The following SIRPA variants were observed in gnomAD, a reference collection of about 807,000 sequenced individuals.
SIRPA encodes the protein tyrosine-protein phosphatase non-receptor type substrate 1.
SIRPA carries 9 observed loss-of-function variants against 50.3 expected under a neutral mutation model. The observed-to-expected ratio is 0.18, with a 90% CI of 0.11 to 0.31. The LOEUF is 0.31. Ranked by LOEUF, SIRPA falls within the 10% of genes least tolerant of loss-of-function variation. The pLI, the probability that SIRPA is intolerant of heterozygous loss-of-function variation, is 1.00. For synonymous variants in SIRPA, 265 were observed against 284.1 expected (o/e 0.93, Z 0.68); for missense variants, 474 against 661.6 (o/e 0.72, Z 3.11).
rs1371990194 is a variant in SIRPA at position 1,927,999 on chromosome 20, A to G, written c.1226+100A>G. The G allele has an allele frequency of 2.1e-5, 20 of 975,606 alleles. No homozygotes were observed. The highest frequency in any genetic ancestry group is 2.6e-5 in the South Asian group (2 of 77,760). 60.4% of individuals were successfully genotyped at this position (975,606 alleles called of 1,614,324 possible). On this transcript the variant is annotated intron_variant, in intron 6 of 7. Transcript: ENST00000358771. This position sits in a 1 kb window ranked among gnomAD's most constrained non-coding sequence, Gnocchi z 6.5. ...TAATCCATGTCCACTGACCTCACCA[A>G]TGTGTTGGTCAACATGTCTCTTTCT... is the stretch of plus-strand genomic sequence containing the variant.
At position 1,936,563 on chromosome 20, in the gene SIRPA, G is replaced by A. The variant is rs3790341; in HGVS notation, c.1267-757G>A. On this transcript the variant is annotated intron_variant, in intron 7 of 7. Transcript: ENST00000358771. This position sits in a 1 kb window ranked among gnomAD's most constrained non-coding sequence, Gnocchi z 4.2. ...TCCCGCTTCACTAACTGGCGATCTC[G>A]TTCTTATACTGCCCCTGTTCTCTGT... Among the ~76,000 whole-genome samples the A allele has an allele frequency of 0.077, 11,744 of 152,164 alleles. 572 individuals carry two copies. The highest frequency in any genetic ancestry group is 0.21 in the South Asian group (999 of 4,818).
At chr20:1,895,358 G>T, upstream of SIRPA, 3 of 755,802 alleles carry the variant, frequency 4.0e-6, no homozygotes, top group Non-Finnish European at 5.7e-6. Flanking sequence ...GGGGAAGGGG[G>T]GGAGCCTTAG....
At chr20:1,908,155 C>T (rs1343608290) in intron 1 of SIRPA, among the ~76,000 whole-genome samples, 1 of 152,138 alleles carries the variant, frequency 6.6e-6, no homozygotes, top group Non-Finnish European at 1.5e-5. Flanking sequence ...CCTCCATCAC[C>T]CTTGTGCTTG....
In SIRPA at chr20:1,937,496, C is replaced by T. The variant is rs755833852; in HGVS notation, c.1443C>T (p.Thr481=). 7 of 1,613,994 alleles carry T rather than the reference C, an allele frequency of 4.3e-6. No individual in the cohort carries two copies. Among genetic ancestry groups the T allele is most frequent in the Non-Finnish European group, 5.9e-6 (7 of 1,180,018 alleles). ...TGGACATGGTCCACCTCAACCGGAC[C>T]CCCAAGCAGCCGGCCCCCAAGCCTG... ...ADLDMVHLNR[T]PKQPAPKPEP... The change falls in exon 8 of 8, where the codon ACC becomes ACT. Residue 481 remains threonine, a synonymous_variant. Transcript: ENST00000358771. This position sits in a 1 kb window ranked among gnomAD's most constrained non-coding sequence, Gnocchi z 8.3.
At position 1,909,198 on chromosome 20, in the gene SIRPA, C is replaced by T. The variant is rs570136730; in HGVS notation, c.80-5901C>T. ...CCATAGCCTCCCAGACCCTGGGGGT[C>T]CTTGAGTACAAACAAAGAATCTACA... is the stretch of plus-strand genomic sequence containing the variant. On this transcript the variant is annotated intron_variant, in intron 1 of 7. Coordinates refer to ENST00000358771, the MANE Select transcript of SIRPA (RefSeq NM_001040023.2). Among the ~76,000 whole-genome samples the T allele has an allele frequency of 3.3e-5, 5 of 152,350 alleles. No individual in the cohort carries two copies. The South Asian group carries it at 1.0e-3, about 32-fold the overall frequency.
chr20:1,914,866 A>C (rs866257785), intron 1 of SIRPA, among the ~76,000 whole-genome samples: 3 of 152,098 alleles, frequency 2.0e-5, no homozygotes, highest in Non-Finnish European at 4.4e-5. Context: ...CAGGCATTCA[A>C]ACCCACTCTC....
At position 1,939,493 on chromosome 20, in the gene SIRPA, A is replaced by G. The variant is rs1428516964; in HGVS notation, c.*1925A>G. 1 of 152,214 alleles carries G rather than the reference A, an allele frequency of 6.6e-6. No homozygotes were observed. Among genetic ancestry groups the G allele is most frequent in the Non-Finnish European group, 1.5e-5 (1 of 68,044 alleles). 9.4% of individuals were successfully genotyped at this position (152,214 alleles called of 1,614,324 possible). On this transcript the variant is annotated 3_prime_UTR_variant, in exon 8 of 8. Transcript: ENST00000358771. The surrounding 1 kb of genome is among the most constrained non-coding windows in gnomAD (Gnocchi z 4.7). ...GGCTCAGGCTAGTTCCAAATTCCAA[A>G]AGATTGGCTTGTAAACCTTCGTCTC...
upstream of SIRPA, chr20:1,894,297 C>T (rs1005036302): frequency 2.0e-5 from 3 of 152,188 alleles, no homozygotes; most frequent in Non-Finnish European, 2.9e-5. This position sits in a 1 kb window ranked among gnomAD's most constrained non-coding sequence, Gnocchi z 4.0. Context: ...TCGCCGCCTC[C>T]AGCCTCTCGC....
Position 1,937,208 on chromosome 20 carries a change from G to T in SIRPA, c.1267-112G>T. 7.7e-7 allele frequency: 1 copy of T among 1,303,786 alleles called. No individual in the cohort carries two copies. The highest frequency in any genetic ancestry group is 1.1e-6 in the Non-Finnish European group (1 of 939,428). The allele number at this position is 1,303,786 out of a possible 1,614,324, so 80.8% of individuals were successfully genotyped here. A position where few individuals can be genotyped will look rare whatever the true frequency, so the allele number is the denominator to read the frequency against. On this transcript the variant is annotated intron_variant, in intron 7 of 7. Coordinates refer to ENST00000358771, the MANE Select transcript of SIRPA (RefSeq NM_001040023.2). The surrounding 1 kb of genome is among the most constrained non-coding windows in gnomAD (Gnocchi z 8.3). ...GAACATGACTTATGGCTGAGCCAGT[G>T]TGGGCCGAGAGGACACAGAAGCATC...
chr20:1,910,437 A>G (rs932537122), intron 1 of SIRPA, among the ~76,000 whole-genome samples: 3 of 152,240 alleles, frequency 2.0e-5, no homozygotes, highest in African/African-American at 7.2e-5. Context: ...TGCCGACCCC[A>G]TCCTACCTCA....
At chr20:1,914,524 G>A (rs899942420) in intron 1 of SIRPA, among the ~76,000 whole-genome samples, 7 of 151,578 alleles carry the variant, frequency 4.6e-5, no homozygotes, top group Admixed American at 2.6e-4. Flanking sequence ...TGGGTTCCAG[G>A]TGGGGACTCA....
intron 1 of SIRPA, among the ~76,000 whole-genome samples, chr20:1,914,729 G>C (rs114688724): frequency 0.41 from 61,315 of 151,186 alleles, 12,681 homozygotes; most frequent in East Asian, 0.66. Context: ...TACAGCCCCA[G>C]ATATGCCAGG....
intron 2 of SIRPA, among the ~76,000 whole-genome samples, chr20:1,920,210 T>C (rs1225487856): frequency 2.6e-5 from 4 of 152,176 alleles, no homozygotes; most frequent in Non-Finnish European, 5.9e-5. Flanking sequence ...AGAGAAGCCC[T>C]GGATAAATGG....
intron 1 of SIRPA, among the ~76,000 whole-genome samples, chr20:1,901,803 T>G (rs568196448): frequency 8.5e-5 from 13 of 152,108 alleles, no homozygotes; most frequent in Non-Finnish European, 1.2e-4. Context: ...GGCTGCAGAT[T>G]AGCGCCAAGA....
chr20:1,931,477 T>C (rs1277958040), intron 6 of SIRPA, among the ~76,000 whole-genome samples: 1 of 152,238 alleles, frequency 6.6e-6, no homozygotes, highest in Non-Finnish European at 1.5e-5. Flanking sequence ...AACCGTTTTC[T>C]GCCTGTTTTT....
intron 2 of SIRPA, among the ~76,000 whole-genome samples, chr20:1,920,047 C>T (rs1312817111): frequency 6.6e-6 from 1 of 152,200 alleles, no homozygotes; most frequent in Non-Finnish European, 1.5e-5. Context: ...TTCATCCTCC[C>T]TCTTCTTAAC....
rs1304643846 is a variant in SIRPA, at chr20:1,915,465, G to A, written c.436+10G>A. On this transcript the variant is annotated intron_variant, in intron 2 of 7. Coordinates refer to ENST00000358771, the MANE Select transcript of SIRPA (RefSeq NM_001040023.2). ...GAGCTGTCTGTGCGCGGTGAGTACA[G>A]CGTGGGCCTCCTTTGCCTCTGGTTT... 16 of 1,612,752 alleles carry A rather than the reference G, an allele frequency of 9.9e-6. No individual in the cohort carries two copies. Among genetic ancestry groups the A allele is most frequent in the African/African-American group, 4.0e-5 (3 of 74,892 alleles).
chr20:1,924,915 C>G lies in SIRPA; in HGVS notation c.1201+38C>G. On this transcript the variant is annotated intron_variant, in intron 5 of 7. Coordinates refer to ENST00000358771, the MANE Select transcript of SIRPA (RefSeq NM_001040023.2). The surrounding 1 kb of genome is among the most constrained non-coding windows in gnomAD (Gnocchi z 4.5). ...CCCTCTTCCTCCCTAAGGGTTTGTCCCTGGACTGTCCTCGGAGGGAGACGC... is the reference window on the plus strand; with the variant it reads ...CCCTCTTCCTCCCTAAGGGTTTGTCGCTGGACTGTCCTCGGAGGGAGACGC... 1 of 1,531,258 alleles carries G rather than the reference C, an allele frequency of 6.5e-7. No homozygotes were observed. The highest frequency in any genetic ancestry group is 1.1e-5 in the South Asian group (1 of 89,240). 94.9% of individuals were successfully genotyped at this position (1,531,258 alleles called of 1,614,324 possible). A position where few individuals can be genotyped will look rare whatever the true frequency, so the allele number is the denominator to read the frequency against.
At position 1,927,767 on chromosome 20, in the gene SIRPA, G is replaced by A; in HGVS notation, c.1202-108G>A. On this transcript the variant is annotated intron_variant, in intron 5 of 7. Transcript: ENST00000358771. The surrounding 1 kb of genome is among the most constrained non-coding windows in gnomAD (Gnocchi z 6.5). ...CTGTGGTTCCAAGGATGTGATTACA[G>A]CATTTCCTCTCCATGTCCCTGGAGG... 1.1e-6 allele frequency: 1 copy of A among 952,216 alleles called. No homozygotes were observed. The highest frequency in any genetic ancestry group is 1.7e-5 in the Admixed American group (1 of 58,804). 59.0% of individuals were successfully genotyped at this position (952,216 alleles called of 1,614,324 possible). A position where few individuals can be genotyped will look rare whatever the true frequency, so the allele number is the denominator to read the frequency against.
Sources: gnomAD v4.1 joint callset for allele counts (sites outside exome capture counted in the v4.1 genomes callset) on GRCh38, gnomAD v4.1.1 for gene constraint, Gnocchi (gnomAD v3.1) non-coding constraint, MANE v1.5 for transcripts, NCBI Gene and HGNC (gene_info 2026-07-23, HGNC 2026-07-21) for gene names.